The following PDSS2 variants were observed in gnomAD, a reference collection of about 807,000 sequenced individuals.
PDSS2 encodes all trans-polyprenyl-diphosphate synthase PDSS2.
PDSS2 carries 31 observed loss-of-function variants against 44.5 expected under a neutral mutation model. The ratio of observed to expected loss-of-function variants is 0.70; its 90% CI spans 0.52 to 0.94. The LOEUF (loss-of-function observed/expected upper bound fraction) is 0.94, where lower values mean the gene tolerates loss of function less well. Among genes scored for constraint, PDSS2 ranks in the 40% least tolerant of loss-of-function variants. PDSS2 has a pLI of 0.00. For synonymous variants in PDSS2, 157 were observed against 180.3 expected (o/e 0.87, Z 1.03); for missense variants, 452 against 482.2 (o/e 0.94, Z 0.59).
intron 1 of PDSS2, among the ~76,000 whole-genome samples, chr6:107,339,837 C>T (rs1301533173): frequency 6.6e-6 from 1 of 151,996 alleles, no homozygotes; most frequent in Admixed American, 6.6e-5. Flanking sequence ...ATGAACAGAC[C>T]ATAAGAGGTT....
At chr6:107,159,419 CTTTT>C (rs143684110) in intron 7 of PDSS2, among the ~76,000 whole-genome samples, 2 of 124,176 alleles carry the variant, frequency 1.6e-5, no homozygotes, top group Non-Finnish European at 1.6e-5. Context: ...TCTTTCTTTT[CTTTT>C]TTTTTTTTTT....
At chr6:107,421,418 C>G (rs1780819544) in intron 1 of PDSS2, among the ~76,000 whole-genome samples, 1 of 152,028 alleles carries the variant, frequency 6.6e-6, no homozygotes. Flanking sequence ...TTTGTAACAG[C>G]CCAAACTAGA....
intron 1 of PDSS2, among the ~76,000 whole-genome samples, chr6:107,369,573 C>T (rs1264463328): frequency 6.6e-6 from 1 of 152,064 alleles, no homozygotes; most frequent in Non-Finnish European, 1.5e-5. Context: ...TCTTCATGAC[C>T]TTTCTCAACC....
intron 1 of PDSS2, among the ~76,000 whole-genome samples, chr6:107,363,516 G>A (rs1219272936): frequency 1.3e-5 from 2 of 152,104 alleles, no homozygotes; most frequent in African/African-American, 4.8e-5. Context: ...GTGGGCTCGT[G>A]GTCTCGCTGG....
intron 1 of PDSS2, among the ~76,000 whole-genome samples, chr6:107,443,515 A>G (rs1361953952): frequency 1.3e-5 from 2 of 152,108 alleles, no homozygotes; most frequent in East Asian, 1.9e-4. Context: ...TCTTTCAGCA[A>G]TAAAAAAAAT....
At chr6:107,268,104 C>G (rs1026056418) in intron 3 of PDSS2, among the ~76,000 whole-genome samples, 7 of 152,134 alleles carry the variant, frequency 4.6e-5, no homozygotes, top group Admixed American at 1.3e-4. Flanking sequence ...TATCTTTTAT[C>G]TGTATCTTCC....
At chr6:107,239,633 C>CA (rs1774348468) in intron 4 of PDSS2, among the ~76,000 whole-genome samples, 1 of 134,938 alleles carries the variant, frequency 7.4e-6, no homozygotes, top group Non-Finnish European at 1.6e-5. Flanking sequence ...ATGTACTCTA[C>CA]CTTTTTTTTT....
rs542946146 is a variant in PDSS2 at position 107,341,217 on chromosome 6, T to C, written c.297-6885A>G. On this transcript the variant is annotated intron_variant, in intron 1 of 7. Transcript: ENST00000369037. ...GAAAAGCTGAATGATGGCAGTAGCATGGAGGTGGAAAAGGCTAGTGTGGCC... is the reference window on the plus strand; with the variant it reads ...GAAAAGCTGAATGATGGCAGTAGCACGGAGGTGGAAAAGGCTAGTGTGGCC... 1.3e-3 allele frequency among the ~76,000 whole-genome samples: 190 copies of C among 151,904 alleles called. 1 individual carries two copies. Among genetic ancestry groups the C allele is most frequent in the Non-Finnish European group, 2.0e-3 (139 of 67,932 alleles).
At chr6:107,394,849 A>G (rs1779891612) in intron 1 of PDSS2, among the ~76,000 whole-genome samples, 1 of 152,200 alleles carries the variant, frequency 6.6e-6, no homozygotes, top group African/African-American at 2.4e-5. Flanking sequence ...TTAAATGAGG[A>G]ACAAGAACTC....
At chr6:107,443,967 G>A (rs1204373742) in intron 1 of PDSS2, among the ~76,000 whole-genome samples, 1 of 152,156 alleles carries the variant, frequency 6.6e-6, no homozygotes, top group Non-Finnish European at 1.5e-5. Context: ...GCCAGGTACT[G>A]TTCTAAGCAC....
At chr6:107,275,798 A>G (rs1775760280) in intron 2 of PDSS2, among the ~76,000 whole-genome samples, 1 of 152,146 alleles carries the variant, frequency 6.6e-6, no homozygotes, top group Admixed American at 6.6e-5. Context: ...CTCAGCTGCA[A>G]GTATAAACTG....
At chr6:107,322,505 T>C (rs991043335) in intron 2 of PDSS2, among the ~76,000 whole-genome samples, 2 of 145,106 alleles carry the variant, frequency 1.4e-5, no homozygotes, top group African/African-American at 2.6e-5. Flanking sequence ...GGTGACAGAG[T>C]GAGACTATCT....
intron 7 of PDSS2, among the ~76,000 whole-genome samples, chr6:107,160,196 CTG>C (rs1554246483): frequency 1.3e-5 from 2 of 152,054 alleles, no homozygotes; most frequent in East Asian, 3.9e-4. Flanking sequence ...AGCCTGGGGG[CTG>C]CAGTGCGACT....
At chr6:107,192,483 GAC>G (rs1222725052) in intron 7 of PDSS2, 1 of 410,686 alleles carries the variant, frequency 2.4e-6, no homozygotes, top group Non-Finnish European at 4.8e-6. Context: ...AAAAGCCAGA[GAC>G]CAAGTTATTT....
intron 2 of PDSS2, among the ~76,000 whole-genome samples, chr6:107,307,996 C>CT (rs935653146): frequency 2.0e-5 from 3 of 151,954 alleles, no homozygotes; most frequent in Non-Finnish European, 4.4e-5. Flanking sequence ...CAATTTCCCC[C>CT]TTTAGAGGCC....
chr6:107,427,837 C>T (rs772955265), intron 1 of PDSS2, among the ~76,000 whole-genome samples: 14 of 152,144 alleles, frequency 9.2e-5, no homozygotes, highest in Admixed American at 2.0e-4. Context: ...AGATAGCCTA[C>T]GTCTACATTA....
chr6:107,213,578 G>A (rs1216802728), intron 4 of PDSS2, among the ~76,000 whole-genome samples: 1 of 151,826 alleles, frequency 6.6e-6, no homozygotes, highest in Non-Finnish European at 1.5e-5. Flanking sequence ...AGCTAACATG[G>A]TGAAACCCTG....
intron 1 of PDSS2, among the ~76,000 whole-genome samples, chr6:107,389,862 G>T (rs1421652426): frequency 1.3e-5 from 2 of 151,972 alleles, no homozygotes; most frequent in Non-Finnish European, 1.5e-5. Context: ...TGGAGAAATG[G>T]CTACTTCTAT....
intron 1 of PDSS2, among the ~76,000 whole-genome samples, chr6:107,431,141 T>C (rs1293301412): frequency 7.2e-5 from 11 of 152,222 alleles, no homozygotes; most frequent in Non-Finnish European, 2.9e-5. Context: ...CTTGCTCAAA[T>C]AGCAGGTAGT....
Sources: gnomAD v4.1 joint callset for allele counts (sites outside exome capture counted in the v4.1 genomes callset) on GRCh38, gnomAD v4.1.1 for gene constraint, MANE v1.5 for transcripts, NCBI Gene and HGNC (gene_info 2026-07-23, HGNC 2026-07-21) for gene names.